The following MCTP1 variants were observed in gnomAD, a reference collection of about 807,000 sequenced individuals.
MCTP1 encodes the protein multiple C2 and transmembrane domain-containing protein 1.
MCTP1 carries 69 observed loss-of-function variants against 120.6 expected under a neutral mutation model. That is an observed-to-expected ratio of 0.57 (90% CI 0.47 to 0.70). The LOEUF (loss-of-function observed/expected upper bound fraction) is 0.70, where lower values mean the gene tolerates loss of function less well. Ranked by LOEUF, MCTP1 falls within the 30% of genes least tolerant of loss-of-function variation. The pLI is 0.00. For synonymous variants in MCTP1, 529 were observed against 493.1 expected, an observed-to-expected ratio of 1.07 and a Z score of -0.96; for missense variants, 1,203 against 1,248.8, an observed-to-expected ratio of 0.96 and a Z score of 0.55.
intron 3 of MCTP1, among the ~76,000 whole-genome samples, chr5:94,947,768 A>G (rs1819489737): frequency 6.7e-6 from 1 of 149,292 alleles, no homozygotes; most frequent in Admixed American, 6.7e-5. Flanking sequence ...GGTGCATGCC[A>G]CCATGTCTGG....
intron 1 of MCTP1, among the ~76,000 whole-genome samples, chr5:95,033,564 G>A (rs1840682327): frequency 6.6e-6 from 1 of 151,996 alleles, no homozygotes; most frequent in Non-Finnish European, 1.5e-5. Flanking sequence ...ACCAGGCATT[G>A]AGGAAACATA....
chr5:95,284,120 G>A lies in MCTP1; in HGVS notation c.456C>T (p.Ser152=), dbSNP rs1278040092. 3 of 1,551,054 alleles carry A rather than the reference G, an allele frequency of 1.9e-6. No homozygotes were observed. Among genetic ancestry groups the A allele is most frequent in the Non-Finnish European group, 2.6e-6 (3 of 1,147,324 alleles). Residue 152 remains serine, a synonymous_variant, in exon 1 of 23, where the codon TCC becomes TCT. Coordinates refer to ENST00000515393, the MANE Select transcript of MCTP1 (RefSeq NM_024717.7). The surrounding 1 kb of genome is among the most constrained non-coding windows in gnomAD (Gnocchi z 5.2). The part of the protein sequence containing the change: ...AAGGTPPGGR[S]PDSAPSSSSA... ...AGGAAGAGGAAGGAGCTGAGTCGGG[G>A]GAGCGTCCGCCAGGAGGCGTCCCTC...
chr5:94,958,847 G>C (rs1396770038), intron 2 of MCTP1, among the ~76,000 whole-genome samples: 1 of 152,132 alleles, frequency 6.6e-6, no homozygotes, highest in Admixed American at 6.6e-5. Context: ...GGTACAAAGA[G>C]GAGCTGGTAA....
At chr5:95,112,631 T>C (rs1440472757) in intron 1 of MCTP1, among the ~76,000 whole-genome samples, 1 of 152,234 alleles carries the variant, frequency 6.6e-6, no homozygotes, top group Non-Finnish European at 1.5e-5. Flanking sequence ...ATCTAAGATA[T>C]GCAATTATTT....
intron 1 of MCTP1, among the ~76,000 whole-genome samples, chr5:95,128,461 T>C (rs994482506): frequency 2.6e-5 from 4 of 152,232 alleles, no homozygotes. Context: ...GAATGTGGTA[T>C]ACATGTACAA....
chr5:94,799,092 A>G lies in MCTP1; in HGVS notation c.2477T>C (p.Ile826Thr). The change falls in exon 18 of 23, where the codon ATA (isoleucine) becomes ACA (threonine). Residue 826 changes from isoleucine to threonine, a missense_variant. Around this residue, in one of 2 missense-constraint regions of MCTP1, gnomAD observed 740 missense variants for 871.1 expected, o/e 0.85. Coordinates refer to ENST00000515393, the MANE Select transcript of MCTP1 (RefSeq NM_024717.7). ...FVVWNFELYM[I>T]PLVLLLLLTW... Reference sequence around the variant, plus strand: ...CAATAGTAACAACAAAACCAGTGGTATCATGTAGAGCTCAAAGTTCCAGAC... The same window carrying G: ...CAATAGTAACAACAAAACCAGTGGTGTCATGTAGAGCTCAAAGTTCCAGAC... The G allele has an allele frequency of 6.2e-7, 1 of 1,612,108 alleles. No homozygotes were observed. Among genetic ancestry groups the G allele is most frequent in the Non-Finnish European group, 8.5e-7 (1 of 1,178,608 alleles).
chr5:94,927,467 G>A (rs748111579), intron 6 of MCTP1, among the ~76,000 whole-genome samples: 6 of 152,018 alleles, frequency 3.9e-5, no homozygotes, highest in African/African-American at 1.2e-4. Context: ...AGACATATGC[G>A]TAATGACTAG....
intron 17 of MCTP1, among the ~76,000 whole-genome samples, chr5:94,813,666 AC>A (rs1783898518): frequency 6.6e-6 from 1 of 152,130 alleles, no homozygotes; most frequent in Admixed American, 6.6e-5. Flanking sequence ...ATGGTGGATC[AC>A]TTGAGTCCAG....
At chr5:94,896,787 C>A (rs573584183) in intron 10 of MCTP1, among the ~76,000 whole-genome samples, 2 of 152,282 alleles carry the variant, frequency 1.3e-5, no homozygotes, top group East Asian at 3.9e-4. Flanking sequence ...TGGCCTATTT[C>A]ACTTAATTAC....
chr5:95,243,985 T>C (rs1756461384), intron 1 of MCTP1, among the ~76,000 whole-genome samples: 1 of 152,214 alleles, frequency 6.6e-6, no homozygotes, highest in Admixed American at 6.5e-5. Context: ...ACTAACTGGA[T>C]GCCGGTGTTC....
At chr5:94,813,227 T>A (rs1298586530) in intron 17 of MCTP1, among the ~76,000 whole-genome samples, 1 of 152,104 alleles carries the variant, frequency 6.6e-6, no homozygotes, top group Non-Finnish European at 1.5e-5. Context: ...ATGTTCAAAA[T>A]CATTAGTTAC....
intron 5 of MCTP1, among the ~76,000 whole-genome samples, chr5:94,936,039 C>T (rs1265435898): frequency 6.6e-6 from 1 of 151,898 alleles, no homozygotes; most frequent in African/African-American, 2.4e-5. Flanking sequence ...TGACATGTTA[C>T]AGAATGAAGA....
chr5:94,881,987 A>G (rs1471397461), intron 12 of MCTP1, among the ~76,000 whole-genome samples: 2 of 152,168 alleles, frequency 1.3e-5, no homozygotes, highest in Non-Finnish European at 2.9e-5. Flanking sequence ...ATGTAACAGA[A>G]CTGATGTATG....
At chr5:95,049,861 G>A (rs1473491336) in intron 1 of MCTP1, among the ~76,000 whole-genome samples, 5 of 152,048 alleles carry the variant, frequency 3.3e-5, no homozygotes, top group Non-Finnish European at 5.9e-5. Context: ...AAATAGCTCC[G>A]TATCACCTGT....
intron 2 of MCTP1, among the ~76,000 whole-genome samples, chr5:95,003,885 G>A (rs1834185254): frequency 6.6e-6 from 1 of 152,192 alleles, no homozygotes; most frequent in Admixed American, 6.5e-5. Context: ...TGAAAATGTG[G>A]CAGCAGCTAT....
intron 1 of MCTP1, among the ~76,000 whole-genome samples, chr5:95,104,497 A>G (rs1756955008): frequency 6.6e-6 from 1 of 152,188 alleles, no homozygotes; most frequent in South Asian, 2.1e-4. Context: ...ATGGGTTACT[A>G]TACCTAGTTT....
intron 2 of MCTP1, among the ~76,000 whole-genome samples, chr5:94,954,585 T>C (rs948119381): frequency 6.6e-6 from 1 of 152,190 alleles, no homozygotes; most frequent in African/African-American, 2.4e-5. Context: ...GCATGTTGAA[T>C]GTGTAAATTT....
At position 95,257,484 on chromosome 5, in the gene MCTP1, G is replaced by GT. The variant is rs992877815; in HGVS notation, c.720+26371dup. Among the ~76,000 whole-genome samples, 7 of 151,870 alleles carry GT rather than the reference G, an allele frequency of 4.6e-5. No homozygotes were observed. The South Asian group carries it at 1.5e-3, about 32-fold the overall frequency. On this transcript the variant is annotated intron_variant, in intron 1 of 22. Coordinates refer to ENST00000515393, the MANE Select transcript of MCTP1 (RefSeq NM_024717.7). ...TCTTTGATAAATGAATGCCTACATT[G>GT]TTTTTTTAATCTTTCAATGAACTTA...
chr5:95,262,417 T>A (rs1039588759), intron 1 of MCTP1, among the ~76,000 whole-genome samples: 1 of 152,090 alleles, frequency 6.6e-6, no homozygotes, highest in African/African-American at 2.4e-5. Flanking sequence ...ACCAAAAGCA[T>A]CATTATTCTT....
Sources: allele counts gnomAD v4.1 joint callset (sites outside exome capture counted in the v4.1 genomes callset), GRCh38; gene constraint gnomAD v4.1.1; regional missense constraint gnomAD v4.1.1; non-coding constraint Gnocchi (gnomAD v3.1); transcripts MANE v1.5; gene names NCBI Gene and HGNC (gene_info 2026-07-23, HGNC 2026-07-21).